LPAR6: variants seen among roughly 807,000 people sequenced by gnomAD.
LPAR6 encodes lysophosphatidic acid receptor 6.
Under a neutral mutation model 22.0 loss-of-function variants are expected in LPAR6, and 17 were observed. That is an observed-to-expected ratio of 0.77 (90% CI 0.53 to 1.16). The LOEUF (loss-of-function observed/expected upper bound fraction) is 1.16, where lower values mean the gene tolerates loss of function less well. LPAR6 is among the 50% of genes most tolerant of loss of function. The pLI is 0.00. For synonymous variants in LPAR6, 136 were observed against 139.8 expected (o/e 0.97, Z 0.19); for missense variants, 384 against 406.9 (o/e 0.94, Z 0.48).
chr13:48,435,670 A>G (rs1462998289), intron 1 of LPAR6, among the ~76,000 whole-genome samples: 1 of 152,184 alleles, frequency 6.6e-6, no homozygotes, highest in Non-Finnish European at 1.5e-5. Context: ...TACTTAAAAA[A>G]TTATAGTTTC....
intron 1 of LPAR6, among the ~76,000 whole-genome samples, chr13:48,440,014 A>T (rs1005190565): frequency 2.6e-5 from 4 of 152,290 alleles, no homozygotes; most frequent in Non-Finnish European, 5.9e-5. Context: ...ATATGAGAGA[A>T]GTATCAGGAA....
chr13:48,417,325 A>C (rs1324326582), upstream of LPAR6: 1 of 152,516 alleles, frequency 6.6e-6, no homozygotes, highest in African/African-American at 2.4e-5. Flanking sequence ...GCAGACCTGC[A>C]GCAGAGGGGC....
intron 1 of LPAR6, among the ~76,000 whole-genome samples, chr13:48,435,867 AAAGAT>A (rs1949178094): frequency 1.3e-5 from 2 of 152,208 alleles, no homozygotes; most frequent in African/African-American, 4.8e-5. Flanking sequence ...GGAACAAAGA[AAAGAT>A]GAGACAAATA....
upstream of LPAR6, chr13:48,429,556 G>A (rs536547851): frequency 6.6e-6 from 1 of 151,710 alleles, no homozygotes; most frequent in South Asian, 2.1e-4. Flanking sequence ...CCACATTATT[G>A]GTGTGGTTTA....
At chr13:48,443,823 G>GA (rs1949261526) in intron 1 of LPAR6, among the ~76,000 whole-genome samples, 1 of 151,546 alleles carries the variant, frequency 6.6e-6, no homozygotes, top group Non-Finnish European at 1.5e-5. Flanking sequence ...TTTTCTTTTG[G>GA]AAAAAAGATA....
At chr13:48,431,891 ATT>A (rs202041268), upstream of LPAR6, among the ~76,000 whole-genome samples, 1 of 151,406 alleles carries the variant, frequency 6.6e-6, no homozygotes, top group East Asian at 1.9e-4. Context: ...ACTGATACTT[ATT>A]TTTTTTTCCA....
At chr13:48,415,926 A>G (rs1199022953), upstream of LPAR6, 2 of 152,254 alleles carry the variant, frequency 1.3e-5, no homozygotes, top group African/African-American at 4.8e-5. Context: ...TTAGGTTAGA[A>G]TTGGAAAAAT....
chr13:48,402,379 C>CTTTTTTT lies in LPAR6; in HGVS notation n.115-12574_115-12568dup, dbSNP rs545934425. Among the ~76,000 whole-genome samples the CTTTTTTT allele has an allele frequency of 4.5e-4, 57 of 125,720 alleles. 5 individuals carry two copies. Among genetic ancestry groups the CTTTTTTT allele is most frequent in the Middle Eastern group, 4.0e-3 (1 of 248 alleles). 82.5% of individuals were successfully genotyped at this position (125,720 alleles called of 152,430 possible). A position where few individuals can be genotyped will look rare whatever the true frequency, so the allele number is the denominator to read the frequency against. On this transcript the variant is annotated intron_variant and non_coding_transcript_variant, in intron 1 of 1. Coordinates refer to the LPAR6 transcript ENST00000462781. ...GGTAAAGAAATCCCTTGTAGAAAAC[C>CTTTTTTT]TTTTTTTTTTTTTAAACAGATGAGT...
At chr13:48,423,927 A>C (rs572728607) in intron 1 of LPAR6, 1 of 152,674 alleles carries the variant, frequency 6.5e-6, no homozygotes, top group South Asian at 2.1e-4. Flanking sequence ...TGTCTCTTGA[A>C]GAAAGAAAGA....
At chr13:48,397,158 G>T (rs924385947) in intron 1 of LPAR6, among the ~76,000 whole-genome samples, 4 of 152,194 alleles carry the variant, frequency 2.6e-5, no homozygotes, top group African/African-American at 9.6e-5. Context: ...TATACCCAAA[G>T]GATTATAAAT....
At chr13:48,423,297 C>T (rs1157685775) in intron 1 of LPAR6, among the ~76,000 whole-genome samples, 3 of 151,986 alleles carry the variant, frequency 2.0e-5, no homozygotes, top group Admixed American at 6.6e-5. Context: ...GTTTTTGAGA[C>T]GGAGTCTTGC....
At chr13:48,442,996 A>G (rs1490187696) in intron 1 of LPAR6, among the ~76,000 whole-genome samples, 1 of 152,154 alleles carries the variant, frequency 6.6e-6, no homozygotes, top group Non-Finnish European at 1.5e-5. Flanking sequence ...AATTTTGACC[A>G]AGATATCAAT....
intron 2 of LPAR6, among the ~76,000 whole-genome samples, chr13:48,418,486 C>A (rs527863502): frequency 6.6e-6 from 1 of 152,082 alleles, no homozygotes; most frequent in Admixed American, 6.6e-5. Context: ...AACTAATGGG[C>A]AAACTAACTG....
chr13:48,443,081 T>G (rs1949253761), intron 1 of LPAR6, among the ~76,000 whole-genome samples: 1 of 152,022 alleles, frequency 6.6e-6, no homozygotes, highest in African/African-American at 2.4e-5. Flanking sequence ...TAAAATGTGT[T>G]TGTTCATGTG....
chr13:48,394,078 A>T (rs1009722918), intron 1 of LPAR6, among the ~76,000 whole-genome samples: 1 of 152,160 alleles, frequency 6.6e-6, no homozygotes, highest in African/African-American at 2.4e-5. Flanking sequence ...GACTGGTTAG[A>T]CAGTGGATGC....
intron 1 of LPAR6, among the ~76,000 whole-genome samples, chr13:48,405,512 C>T (rs1035191912): frequency 1.3e-5 from 2 of 152,148 alleles, no homozygotes; most frequent in African/African-American, 4.8e-5. Context: ...AGATGGCATG[C>T]ACAGCCCACA....
At chr13:48,413,536 A>C (rs1948855140), upstream of LPAR6, among the ~76,000 whole-genome samples, 1 of 152,206 alleles carries the variant, frequency 6.6e-6, no homozygotes, top group Non-Finnish European at 1.5e-5. Flanking sequence ...CTGTTTAATG[A>C]CTATGAAACA....
chr13:48,409,272 T>A (rs2138193144), downstream of LPAR6, among the ~76,000 whole-genome samples: 2 of 151,986 alleles, frequency 1.3e-5, no homozygotes, highest in Admixed American at 1.3e-4. Context: ...GTATTTTGCT[T>A]TAGGTTTATC....
At chr13:48,400,042 C>A (rs968572045) in intron 1 of LPAR6, among the ~76,000 whole-genome samples, 9 of 151,974 alleles carry the variant, frequency 5.9e-5, no homozygotes, top group African/African-American at 1.9e-4. Flanking sequence ...AAATAAAAAA[C>A]AAACAAAAAT....
Sources: allele counts gnomAD v4.1 joint callset (sites outside exome capture counted in the v4.1 genomes callset), GRCh38; gene constraint gnomAD v4.1.1; transcripts MANE v1.5; gene names NCBI Gene and HGNC (gene_info 2026-07-23, HGNC 2026-07-21).